Variants in PCDHA8 observed in about 807,000 individuals in gnomAD.
PCDHA8 encodes protocadherin alpha 8, also known as protocadherin alpha-8.
PCDHA8 carries 53 observed loss-of-function variants against 61.8 expected under a neutral mutation model. The ratio of observed to expected loss-of-function variants is 0.86; its 90% confidence interval spans 0.69 to 1.08. PCDHA8 has a LOEUF of 1.08. Ranked by LOEUF, PCDHA8 falls within the 50% of genes least tolerant of loss-of-function variation. The probability of loss-of-function intolerance (pLI) is 0.00; values close to 1 mark genes in which losing one functional copy is unlikely to be tolerated. For synonymous variants in PCDHA8, 618 were observed against 556.6 expected (o/e 1.11, Z -1.55); for missense variants, 1,293 against 1,245.0 (o/e 1.04, Z -0.58).
intron 1 of PCDHA8, chr5:140,882,291 G>A: frequency 6.2e-7 from 1 of 1,613,650 alleles, no homozygotes; most frequent in Non-Finnish European, 8.5e-7. Flanking sequence ...TGGCAAGGAG[G>A]CCCAAGACCG....
chr5:140,876,256 A>G (rs1554168418), intron 1 of PCDHA8: 1 of 1,614,042 alleles, frequency 6.2e-7, no homozygotes, highest in East Asian at 2.2e-5. Context: ...CACAAGAGTG[A>G]TCCAACTAAA....
intron 1 of PCDHA8, among the ~76,000 whole-genome samples, chr5:140,951,465 C>G (rs1304466995): frequency 1.3e-5 from 2 of 151,966 alleles, no homozygotes; most frequent in Non-Finnish European, 2.9e-5. Context: ...TGCTTGGCTT[C>G]TGGGGAGCCT....
intron 1 of PCDHA8, among the ~76,000 whole-genome samples, chr5:140,959,874 A>G (rs1360001985): frequency 1.3e-5 from 2 of 152,236 alleles, no homozygotes; most frequent in Non-Finnish European, 2.9e-5. Flanking sequence ...AAATCTGTCA[A>G]GGAATACACG....
At chr5:140,955,458 T>C (rs246018) in intron 1 of PCDHA8, among the ~76,000 whole-genome samples, 85,567 of 151,850 alleles carry the variant, frequency 0.56, 24,724 homozygotes, top group African/African-American at 0.69. Flanking sequence ...AAGGGCTTTT[T>C]CCTTTTTGCT....
chr5:140,967,212 C>T, intron 1 of PCDHA8: 1 of 1,613,630 alleles, frequency 6.2e-7, no homozygotes, highest in Middle Eastern at 1.6e-4. Flanking sequence ...CCGCGTTTCC[C>T]GCGGCCCAAC....
At chr5:140,965,254 T>C (rs2153743153) in intron 1 of PCDHA8, among the ~76,000 whole-genome samples, 1 of 152,302 alleles carries the variant, frequency 6.6e-6, no homozygotes, top group African/African-American at 2.4e-5. Context: ...TATTCAGAAC[T>C]GAGCAGCAGA....
chr5:140,863,326 G>T (rs782427157), intron 1 of PCDHA8: 3 of 1,432,470 alleles, frequency 2.1e-6, no homozygotes, highest in Non-Finnish European at 2.9e-6. Context: ...CAGCCTGTTA[G>T]TGCTCACGTT....
intron 1 of PCDHA8, chr5:140,968,252 C>T: frequency 1.2e-6 from 2 of 1,613,948 alleles, no homozygotes; most frequent in Non-Finnish European, 1.7e-6. Context: ...AGCCACAGAC[C>T]CAGATGAAAA....
chr5:140,937,916 A>T (rs903757303), intron 1 of PCDHA8, among the ~76,000 whole-genome samples: 37 of 152,106 alleles, frequency 2.4e-4, no homozygotes, highest in Non-Finnish European at 1.8e-4. Flanking sequence ...CGTCTCAAAA[A>T]AAAAAAAAAA....
chr5:140,883,402 C>T lies in PCDHA8; in HGVS notation c.2394+39687C>T. ...CCCTAATCAGTGTGTCCGATCGTGACTCTGGCTCAAATGGACAGGTCACCT... is the reference window on the plus strand; with the variant it reads ...CCCTAATCAGTGTGTCCGATCGTGATTCTGGCTCAAATGGACAGGTCACCT... On this transcript the variant is annotated intron_variant, in intron 1 of 3. Coordinates refer to ENST00000531613, the MANE Select transcript of PCDHA8 (RefSeq NM_018911.3). 4 of 1,614,192 alleles carry T rather than the reference C, an allele frequency of 2.5e-6. No individual in the cohort carries two copies. The South Asian group carries it at 3.3e-5, about 13-fold the overall frequency.
intron 1 of PCDHA8, among the ~76,000 whole-genome samples, chr5:140,970,888 A>G (rs1452967166): frequency 6.6e-6 from 1 of 152,154 alleles, no homozygotes; most frequent in Non-Finnish European, 1.5e-5. Flanking sequence ...TTTCTCATGG[A>G]CATTTCAGAT....
intron 1 of PCDHA8, among the ~76,000 whole-genome samples, chr5:140,885,444 T>C (rs2060598536): frequency 1.3e-5 from 2 of 152,198 alleles, no homozygotes; most frequent in South Asian, 2.1e-4. Flanking sequence ...TGCAATTATA[T>C]ATTATTTACC....
At chr5:140,909,169 A>G (rs545864609) in intron 1 of PCDHA8, among the ~76,000 whole-genome samples, 1 of 152,356 alleles carries the variant, frequency 6.6e-6, no homozygotes, top group African/African-American at 2.4e-5. Context: ...AAATCAATCA[A>G]GTTCTCTCCA....
chr5:140,948,016 C>CTTTTT (rs72028473), intron 1 of PCDHA8, among the ~76,000 whole-genome samples: 13 of 30,044 alleles, frequency 4.3e-4, no homozygotes, highest in Non-Finnish European at 6.9e-4. Context: ...AGGAAGTACC[C>CTTTTT]TTTCTGGTTT....
At chr5:140,941,262 T>TTTCTCTTTCC in intron 1 of PCDHA8, among the ~76,000 whole-genome samples, 1 of 138,798 alleles carries the variant, frequency 7.2e-6, no homozygotes, top group Non-Finnish European at 1.6e-5. Context: ...TTTCTCTTTC[T>TTTCTCTTTCC]TTCTTTCTTT....
intron 1 of PCDHA8, among the ~76,000 whole-genome samples, chr5:140,959,626 AAG>A (rs529579902): frequency 6.2e-4 from 95 of 152,334 alleles, no homozygotes; most frequent in African/African-American, 2.0e-3. Context: ...GATAGAAAAA[AAG>A]AGAGAAAAAA....
chr5:140,945,636 G>A (rs2093820936), intron 1 of PCDHA8, among the ~76,000 whole-genome samples: 1 of 152,092 alleles, frequency 6.6e-6, no homozygotes, highest in Admixed American at 6.6e-5. Context: ...TAAAAGACAT[G>A]TAGACCAATG....
At position 140,951,558 on chromosome 5, in the gene PCDHA8, C is replaced by T. The variant is rs79908970; in HGVS notation, c.2395-27391C>T. On this transcript the variant is annotated intron_variant, in intron 1 of 3. Coordinates refer to ENST00000531613, the MANE Select transcript of PCDHA8 (RefSeq NM_018911.3). The stretch of plus-strand genomic sequence containing the variant: ...GAGCAAGGGACGGGGGGAAGTGCTA[C>T]GCACTTTTAAACAACCAGATTTCAC... Among the ~76,000 whole-genome samples the T allele has an allele frequency of 3.7e-4, 56 of 152,112 alleles. No individual in the cohort carries two copies. In the East Asian group the frequency reaches 9.5e-3, roughly 26 times the overall value.
In PCDHA8 at chr5:140,850,468, C is replaced by G. The variant is rs2150485398; in HGVS notation, c.2394+6753C>G. 1.3e-5 allele frequency: 20 copies of G among 1,597,798 alleles called. 4 individuals carry two copies. The highest frequency in any genetic ancestry group is 1.6e-5 in the Non-Finnish European group (19 of 1,167,656). On this transcript the variant is annotated intron_variant, in intron 1 of 3. Transcript: ENST00000531613. Reference sequence around the variant, plus strand: ...CTGGTGAAAGACCACGGGGAGCCAGCGCTGACGGCCACGGCCACTGTGCTG... The same window carrying G: ...CTGGTGAAAGACCACGGGGAGCCAGGGCTGACGGCCACGGCCACTGTGCTG...
Sources: allele counts gnomAD v4.1 joint callset (sites outside exome capture counted in the v4.1 genomes callset), GRCh38; gene constraint gnomAD v4.1.1; transcripts MANE v1.5; gene names NCBI Gene and HGNC (gene_info 2026-07-23, HGNC 2026-07-21).